The following TRAPPC9 variants were observed in gnomAD, a reference collection of about 807,000 sequenced individuals.
TRAPPC9 encodes the protein trafficking protein particle complex subunit 9, also known as IKK2 binding protein.
A neutral mutation model predicts 124.0 loss-of-function variants in TRAPPC9; 83 were observed. The observed-to-expected ratio is 0.67, with a 90% CI of 0.56 to 0.80. The LOEUF (loss-of-function observed/expected upper bound fraction) is 0.80, where lower values mean the gene tolerates loss of function less well. Among genes scored for constraint, TRAPPC9 ranks in the 30% least tolerant of loss-of-function variants. TRAPPC9 has a pLI of 0.00. For missense variants in TRAPPC9, 1,302 were observed against 1,508.3 expected (o/e 0.86, Z 2.27); for synonymous variants, 638 against 617.5 (o/e 1.03, Z -0.49).
chr8:139,737,260 A>G (rs11166922), intron 21 of TRAPPC9, among the ~76,000 whole-genome samples: 130,032 of 152,170 alleles, frequency 0.85, 55,590 homozygotes, highest in East Asian at 0.89. Flanking sequence ...GCTTCAGCTG[A>G]GAAGAGTGGG....
intron 17 of TRAPPC9, among the ~76,000 whole-genome samples, chr8:140,177,787 A>G (rs964454999): frequency 3.3e-5 from 5 of 152,100 alleles, no homozygotes; most frequent in African/African-American, 1.2e-4. Flanking sequence ...AATCTTTTAT[A>G]ATTGTCTTGG....
chr8:139,753,050 A>G (rs1465049045), intron 21 of TRAPPC9, among the ~76,000 whole-genome samples: 1 of 137,926 alleles, frequency 7.3e-6, no homozygotes, highest in Non-Finnish European at 1.5e-5. Context: ...CTATCTACCC[A>G]TCCATCCACC....
At chr8:140,036,158 G>T (rs1489553853) in intron 17 of TRAPPC9, among the ~76,000 whole-genome samples, 1 of 151,992 alleles carries the variant, frequency 6.6e-6, no homozygotes, top group Non-Finnish European at 1.5e-5. Flanking sequence ...CCACGCCTGT[G>T]CTCCCAACGG....
chr8:139,747,509 G>C (rs1563781215), intron 21 of TRAPPC9, among the ~76,000 whole-genome samples: 3 of 113,500 alleles, frequency 2.6e-5, no homozygotes, highest in East Asian at 6.1e-4. Context: ...GATCAGAGAA[G>C]ATGCAGGGGG....
At chr8:140,239,472 A>G (rs1416428328) in intron 16 of TRAPPC9, among the ~76,000 whole-genome samples, 3 of 152,204 alleles carry the variant, frequency 2.0e-5, no homozygotes, top group African/African-American at 7.2e-5. Flanking sequence ...ACCAGGCGCT[A>G]GGAACAAAAA....
intron 17 of TRAPPC9, among the ~76,000 whole-genome samples, chr8:140,176,931 T>C (rs1170196850): frequency 2.0e-5 from 3 of 152,246 alleles, no homozygotes; most frequent in Non-Finnish European, 4.4e-5. Context: ...TCATGTTATT[T>C]GCCATGCACG....
chr8:139,773,798 G>A (rs1257010514), intron 21 of TRAPPC9, among the ~76,000 whole-genome samples: 2 of 152,168 alleles, frequency 1.3e-5, no homozygotes, highest in Non-Finnish European at 2.9e-5. Context: ...TTCATCCAGC[G>A]ACTCTCAATT....
chr8:139,757,329 T>G (rs1479365037), intron 21 of TRAPPC9, among the ~76,000 whole-genome samples: 4 of 127,510 alleles, frequency 3.1e-5, no homozygotes, highest in African/African-American at 9.5e-5. Flanking sequence ...AGCCAGGGAT[T>G]GGGGATGAGG....
intron 2 of TRAPPC9, among the ~76,000 whole-genome samples, chr8:140,449,711 A>C (rs2071389603): frequency 6.6e-6 from 1 of 152,198 alleles, no homozygotes; most frequent in Non-Finnish European, 1.5e-5. Context: ...GGAATTCGAC[A>C]CTGTGGCCAT....
At chr8:140,180,736 A>AT (rs2062183168) in intron 17 of TRAPPC9, among the ~76,000 whole-genome samples, 2 of 141,912 alleles carry the variant, frequency 1.4e-5, no homozygotes, top group East Asian at 2.1e-4. Context: ...TTCCAGGAGC[A>AT]TTTTTTCCAA....
intron 17 of TRAPPC9, among the ~76,000 whole-genome samples, chr8:140,052,610 T>TG (rs1386668924): frequency 1.3e-5 from 2 of 152,090 alleles, no homozygotes; most frequent in African/African-American, 4.8e-5. Flanking sequence ...GGTGAAACCC[T>TG]GTCTCTAGTA....
chr8:139,858,500 C>T (rs2130965745), intron 21 of TRAPPC9, among the ~76,000 whole-genome samples: 1 of 152,330 alleles, frequency 6.6e-6, no homozygotes, highest in African/African-American at 2.4e-5. Flanking sequence ...TGCATCTTTC[C>T]CAAGATTTTT....
chr8:140,185,299 C>T (rs1406655229), intron 17 of TRAPPC9, among the ~76,000 whole-genome samples: 2 of 152,300 alleles, frequency 1.3e-5, no homozygotes, highest in South Asian at 2.1e-4. Context: ...TCAGAGAACT[C>T]GGCACGGCAG....
At chr8:140,446,445 A>G (rs1020711017) in intron 2 of TRAPPC9, among the ~76,000 whole-genome samples, 14 of 152,222 alleles carry the variant, frequency 9.2e-5, no homozygotes, top group Non-Finnish European at 2.1e-4. Flanking sequence ...TCACTTATAC[A>G]GGGCCTTGTG....
intron 5 of TRAPPC9, among the ~76,000 whole-genome samples, chr8:140,423,181 TA>T (rs2070283409): frequency 6.6e-6 from 1 of 152,080 alleles, no homozygotes; most frequent in South Asian, 2.1e-4. Flanking sequence ...GGCTCACACC[TA>T]TAATACTAGC....
At chr8:139,858,901 T>C (rs771595222) in intron 21 of TRAPPC9, among the ~76,000 whole-genome samples, 65 of 148,876 alleles carry the variant, frequency 4.4e-4, no homozygotes, top group Non-Finnish European at 7.7e-4. Context: ...AAGTCCCATC[T>C]CTCAGTCTTG....
chr8:140,127,063 C>G (rs925138445), intron 17 of TRAPPC9, among the ~76,000 whole-genome samples: 2 of 152,168 alleles, frequency 1.3e-5, no homozygotes, highest in South Asian at 4.1e-4. Flanking sequence ...CTGGAGACAC[C>G]GCTTCTTCAC....
At chr8:139,883,027 G>A (rs1472314465) in intron 21 of TRAPPC9, among the ~76,000 whole-genome samples, 1 of 152,212 alleles carries the variant, frequency 6.6e-6, no homozygotes, top group Non-Finnish European at 1.5e-5. Flanking sequence ...TGGCAGTGTT[G>A]GGAGCTGGAG....
At chr8:140,218,885 A>G (rs1425990475) in intron 17 of TRAPPC9, among the ~76,000 whole-genome samples, 1 of 152,060 alleles carries the variant, frequency 6.6e-6, no homozygotes, top group Non-Finnish European at 1.5e-5. Flanking sequence ...GCTTGAACCC[A>G]GGAGGCAGAG....
Sources: allele counts gnomAD v4.1 joint callset (sites outside exome capture counted in the v4.1 genomes callset), GRCh38; gene constraint gnomAD v4.1.1; transcripts MANE v1.5; gene names NCBI Gene and HGNC (gene_info 2026-07-23, HGNC 2026-07-21).